Variants in ITGA1 observed in about 807,000 individuals in gnomAD.
ITGA1 encodes integrin alpha-1.
Under a neutral mutation model 145.9 loss-of-function variants are expected in ITGA1, and 85 were observed. The ratio of observed to expected loss-of-function variants is 0.58; its 90% CI spans 0.49 to 0.70. The LOEUF (loss-of-function observed/expected upper bound fraction) is 0.70. Ranked by LOEUF, ITGA1 falls within the 30% of genes least tolerant of loss-of-function variation. The pLI is 0.00. For synonymous variants in ITGA1, 520 were observed against 495.3 expected (o/e 1.05, Z -0.66); for missense variants, 1,351 against 1,418.7 (o/e 0.95, Z 0.77).
chr5:52,802,608 A>T (rs1236645053), intron 1 of ITGA1: 8 of 152,192 alleles, frequency 5.3e-5, no homozygotes, highest in Admixed American at 5.2e-4. Context: ...TTTGCTTGTT[A>T]TGTGGCTAAT....
chr5:52,912,711 A>AGT (rs67318879), intron 14 of ITGA1, among the ~76,000 whole-genome samples: 4,163 of 132,304 alleles, frequency 0.031, 84 homozygotes, highest in Middle Eastern at 0.093. Flanking sequence ...CTATATATAT[A>AGT]GTGTGTGTGT....
chr5:52,823,592 G>A (rs928965821), intron 1 of ITGA1, among the ~76,000 whole-genome samples: 1 of 152,134 alleles, frequency 6.6e-6, no homozygotes, highest in African/African-American at 2.4e-5. Context: ...TAGGAAAATG[G>A]AGGTCCTCTA....
At position 52,955,938 on chromosome 5, in the gene ITGA1, C is replaced by CATATATATAT. The variant is rs3047827; in HGVS notation, c.*3499_*3508dup. On this transcript the variant is annotated 3_prime_UTR_variant, in exon 29 of 29. Transcript: ENST00000282588. ...AATTTTATCTATAAATGCGTATATA[C>CATATATATAT]ATATATATATATATATATATACACA... is the stretch of plus-strand genomic sequence containing the variant. The CATATATATAT allele has an allele frequency of 6.7e-6, 1 of 149,664 alleles. No individual in the cohort carries two copies. Among genetic ancestry groups the CATATATATAT allele is most frequent in the African/African-American group, 2.5e-5 (1 of 40,696 alleles). 9.3% of individuals were successfully genotyped at this position (149,664 alleles called of 1,614,324 possible).
At chr5:52,842,470 T>G (rs1195431335) in intron 1 of ITGA1, among the ~76,000 whole-genome samples, 1 of 152,184 alleles carries the variant, frequency 6.6e-6, no homozygotes, top group Non-Finnish European at 1.5e-5. Context: ...AGTCCTCTTT[T>G]GAAAGAAAAA....
chr5:52,860,080 G>A (rs1436688669), intron 2 of ITGA1, among the ~76,000 whole-genome samples: 1 of 152,160 alleles, frequency 6.6e-6, no homozygotes, highest in African/African-American at 2.4e-5. Context: ...ATTTATGTAG[G>A]TTCTAAGTAA....
chr5:52,925,256 T>C (rs1330476042), intron 18 of ITGA1, 22 bp from the exon 19 acceptor site: 2 of 1,597,616 alleles, frequency 1.3e-6, no homozygotes, highest in African/African-American at 1.3e-5. Context: ...TTTTGAAAAA[T>C]TCTTTCCTGT....
At chr5:52,889,796 G>A (rs1750114417) in intron 8 of ITGA1, 2 of 152,048 alleles carry the variant, frequency 1.3e-5, no homozygotes, top group African/African-American at 4.8e-5. Flanking sequence ...TGCCAGACAA[G>A]GCTATTATTG....
At chr5:52,947,613 T>G (rs1053828704) in intron 28 of ITGA1, 152 bp downstream of exon 28, 2 of 605,922 alleles carry the variant, frequency 3.3e-6, no homozygotes, top group Non-Finnish European at 5.8e-6. Context: ...AAAAGAAAAA[T>G]GCGTATTTCA....
intron 1 of ITGA1, among the ~76,000 whole-genome samples, chr5:52,818,757 A>T (rs1042410453): frequency 6.6e-6 from 1 of 152,200 alleles, no homozygotes; most frequent in Non-Finnish European, 1.5e-5. Flanking sequence ...GCACCAACAC[A>T]TACATTAGAA....
intron 6 of ITGA1, among the ~76,000 whole-genome samples, chr5:52,869,760 G>A (rs922169495): frequency 6.6e-5 from 10 of 151,668 alleles, no homozygotes; most frequent in African/African-American, 2.4e-4. Flanking sequence ...TTCTATAACT[G>A]GTATTTTAAA....
chr5:52,896,418 CA>C (rs1393157454), intron 9 of ITGA1, among the ~76,000 whole-genome samples: 40 of 152,284 alleles, frequency 2.6e-4, no homozygotes, highest in African/African-American at 9.4e-4. Context: ...ATTTAAATTA[CA>C]GGGCAATTCA....
chr5:52,834,674 A>G lies in ITGA1; in HGVS notation c.62-14691A>G, dbSNP rs527480468. On this transcript the variant is annotated intron_variant, in intron 1 of 28. Coordinates refer to ENST00000282588, the MANE Select transcript of ITGA1 (RefSeq NM_181501.2). ...GAAAAAGAAAGAGAAAGAAAGAAAG[A>G]AAGAGAAAGAAAGAAGGGGAAGGAA... 1.2e-4 allele frequency among the ~76,000 whole-genome samples: 18 copies of G among 151,872 alleles called. No homozygotes were observed. In the East Asian group the frequency reaches 1.7e-3, roughly 15 times the overall value.
At chr5:52,864,904 G>A in intron 4 of ITGA1, 53 bp downstream of exon 4, 1 of 1,547,700 alleles carries the variant, frequency 6.5e-7, no homozygotes, top group Non-Finnish European at 8.9e-7. Flanking sequence ...ATCATTTTAA[G>A]TCTTTGTAAG....
At chr5:52,830,631 A>G (rs183431480) in intron 1 of ITGA1, among the ~76,000 whole-genome samples, 10 of 152,302 alleles carry the variant, frequency 6.6e-5, no homozygotes, top group Non-Finnish European at 1.5e-5. Flanking sequence ...AAATTAGTCA[A>G]AGGCCAAGTA....
intron 10 of ITGA1, 85 bp downstream of exon 10, chr5:52,897,613 G>C: frequency 1.1e-6 from 1 of 881,454 alleles, no homozygotes; most frequent in Non-Finnish European, 1.9e-6. Flanking sequence ...CAGTATGTAA[G>C]TGCAACGTGC....
chr5:52,865,502 T>C (rs955816559), intron 5 of ITGA1, among the ~76,000 whole-genome samples, 188 bp from the exon 6 acceptor site: 1 of 152,246 alleles, frequency 6.6e-6, no homozygotes, highest in Non-Finnish European at 1.5e-5. Flanking sequence ...CCAATTGTTA[T>C]TGAAAGCAAT....
intron 6 of ITGA1, among the ~76,000 whole-genome samples, 200 bp from the exon 7 acceptor site, chr5:52,881,672 CA>C (rs1561236079): frequency 1.3e-5 from 2 of 152,322 alleles, no homozygotes; most frequent in Admixed American, 6.5e-5. Flanking sequence ...AGTTTAGTAA[CA>C]GCATGTTTGC....
At chr5:52,836,561 C>T (rs1014401092) in intron 1 of ITGA1, among the ~76,000 whole-genome samples, 1 of 152,054 alleles carries the variant, frequency 6.6e-6, no homozygotes, top group Non-Finnish European at 1.5e-5. Context: ...AACAAATCAC[C>T]CTTGGCCAGA....
intron 1 of ITGA1, among the ~76,000 whole-genome samples, chr5:52,816,959 T>C (rs1748785764): frequency 6.6e-6 from 1 of 152,176 alleles, no homozygotes. Flanking sequence ...TCCTTTGCCT[T>C]AACAGAATTG....
Sources: gnomAD v4.1 joint callset for allele counts (sites outside exome capture counted in the v4.1 genomes callset) on GRCh38, gnomAD v4.1.1 for gene constraint, MANE v1.5 for transcripts, NCBI Gene and HGNC (gene_info 2026-07-23, HGNC 2026-07-21) for gene names.